Variants in GMDS observed in about 807,000 individuals in gnomAD.
GMDS encodes the protein GDP-mannose 4,6-dehydratase.
In GMDS, 20 loss-of-function variants were observed where a neutral mutation model predicts 49.9. The observed-to-expected ratio is 0.40, with a 90% CI of 0.28 to 0.58. The LOEUF is 0.58. Among genes scored for constraint, GMDS ranks in the 20% least tolerant of loss-of-function variants. The pLI is 0.42. For missense variants in GMDS, 362 were observed against 481.4 expected, an observed-to-expected ratio of 0.75 and a Z score of 2.32; for synonymous variants, 177 against 178.6, an observed-to-expected ratio of 0.99 and a Z score of 0.07.
intron 7 of GMDS, among the ~76,000 whole-genome samples, chr6:1,862,896 T>C (rs1403515298): frequency 6.6e-6 from 1 of 152,194 alleles, no homozygotes; most frequent in Admixed American, 6.5e-5. Context: ...CTCTTCCAAA[T>C]ATAAAACATA....
At chr6:1,668,634 G>C (rs769503324) in intron 9 of GMDS, among the ~76,000 whole-genome samples, 24 of 152,112 alleles carry the variant, frequency 1.6e-4, no homozygotes, top group Non-Finnish European at 3.2e-4. Flanking sequence ...TTGACCCTGG[G>C]AGTCGGAGTT....
intron 4 of GMDS, among the ~76,000 whole-genome samples, chr6:2,030,136 C>T (rs1472225588): frequency 6.6e-6 from 1 of 152,220 alleles, no homozygotes; most frequent in South Asian, 2.1e-4. Context: ...CTCTGCACAA[C>T]CAGACAGATC....
intron 9 of GMDS, among the ~76,000 whole-genome samples, chr6:1,656,403 G>T (rs1357944686): frequency 6.6e-6 from 1 of 152,078 alleles, no homozygotes; most frequent in African/African-American, 2.4e-5. Context: ...TTCCATAAAT[G>T]GTGAATCAGT....
At chr6:2,020,843 C>T (rs540597219) in intron 4 of GMDS, among the ~76,000 whole-genome samples, 131 of 152,326 alleles carry the variant, frequency 8.6e-4, no homozygotes, top group African/African-American at 3.0e-3. Context: ...AACCATACAT[C>T]ATTAGATTTA....
Position 1,819,043 on chromosome 6 carries a change from CACAT to C in GMDS, c.772-76461_772-76458del, listed in dbSNP as rs150498244. On this transcript the variant is annotated intron_variant, in intron 7 of 10. Transcript: ENST00000380815. ...TTAACACACTGCTCCTTCACACACA[CACAT>C]ACACACACTCTCACACATACACTCA... Among the ~76,000 whole-genome samples, 456 of 152,160 alleles carry C rather than the reference CACAT, an allele frequency of 3.0e-3. 1 individual carries two copies. The highest frequency in any genetic ancestry group is 0.011 in the African/African-American group (442 of 41,510).
intron 9 of GMDS, among the ~76,000 whole-genome samples, chr6:1,626,631 G>A (rs1237155270): frequency 6.6e-6 from 1 of 152,162 alleles, no homozygotes; most frequent in Non-Finnish European, 1.5e-5. Flanking sequence ...GAGAAACATG[G>A]TTATTGTTTA....
At chr6:1,780,656 C>T (rs1321672811) in intron 7 of GMDS, among the ~76,000 whole-genome samples, 1 of 152,248 alleles carries the variant, frequency 6.6e-6, no homozygotes, top group African/African-American at 2.4e-5. Context: ...TCTGCCCATC[C>T]TCTGCCCGTC....
At chr6:1,727,404 GTTAT>G (rs200485174) in intron 8 of GMDS, among the ~76,000 whole-genome samples, 1,708 of 152,264 alleles carry the variant, frequency 0.011, 25 homozygotes, top group African/African-American at 0.039. Flanking sequence ...CAGAATTTGG[GTTAT>G]TTATTTTTAC....
At chr6:1,888,292 C>T (rs1759709660) in intron 7 of GMDS, among the ~76,000 whole-genome samples, 1 of 152,024 alleles carries the variant, frequency 6.6e-6, no homozygotes, top group Admixed American at 6.6e-5. Flanking sequence ...TTAATCAACT[C>T]ACAGTTCAGC....
intron 4 of GMDS, among the ~76,000 whole-genome samples, chr6:2,112,917 T>C (rs1369551683): frequency 6.6e-6 from 1 of 152,074 alleles, no homozygotes; most frequent in Non-Finnish European, 1.5e-5. Flanking sequence ...ACTATCAACC[T>C]GTTTCCAAGA....
intron 7 of GMDS, among the ~76,000 whole-genome samples, chr6:1,887,162 C>T (rs148891370): frequency 7.4e-4 from 112 of 152,192 alleles, no homozygotes; most frequent in African/African-American, 2.7e-3. Flanking sequence ...ATATATTATT[C>T]AATAATACCT....
intron 1 of GMDS, among the ~76,000 whole-genome samples, chr6:2,219,442 G>A (rs1002405501): frequency 1.3e-5 from 2 of 152,108 alleles, no homozygotes; most frequent in Non-Finnish European, 2.9e-5. Context: ...CTTTACACAG[G>A]ATCCTCTAAA....
intron 7 of GMDS, among the ~76,000 whole-genome samples, chr6:1,776,592 T>C (rs1021340409): frequency 6.6e-6 from 1 of 151,738 alleles, no homozygotes; most frequent in Admixed American, 6.6e-5. Flanking sequence ...CTCAGGAGGA[T>C]CACTCTGAGC....
At chr6:2,069,712 A>T (rs1160340724) in intron 4 of GMDS, among the ~76,000 whole-genome samples, 24 of 152,300 alleles carry the variant, frequency 1.6e-4, no homozygotes, top group African/African-American at 5.5e-4. Context: ...TCAAAACCAC[A>T]ATGAGATACC....
At chr6:1,940,014 G>A (rs554872499) in intron 6 of GMDS, among the ~76,000 whole-genome samples, 274 of 152,302 alleles carry the variant, frequency 1.8e-3, no homozygotes, top group African/African-American at 6.2e-3. Context: ...TGATGATGCC[G>A]TAGACGTAAG....
intron 7 of GMDS, among the ~76,000 whole-genome samples, chr6:1,758,871 G>T (rs1418968127): frequency 1.3e-5 from 2 of 152,228 alleles, no homozygotes; most frequent in African/African-American, 2.4e-5. Context: ...AGGAGTTAGA[G>T]ACCAGCCTTT....
intron 7 of GMDS, among the ~76,000 whole-genome samples, chr6:1,757,218 C>T (rs542832944): frequency 4.1e-4 from 62 of 152,272 alleles, no homozygotes; most frequent in Non-Finnish European, 7.9e-4. Context: ...TAACTCACGA[C>T]GCATACACCT....
At chr6:1,641,904 C>T (rs1763343043) in intron 9 of GMDS, among the ~76,000 whole-genome samples, 2 of 152,206 alleles carry the variant, frequency 1.3e-5, no homozygotes, top group South Asian at 2.1e-4. Flanking sequence ...ACCCCAACAA[C>T]TCGGCACACT....
intron 7 of GMDS, among the ~76,000 whole-genome samples, chr6:1,764,507 A>G (rs1242133151): frequency 6.6e-6 from 1 of 152,198 alleles, no homozygotes; most frequent in Non-Finnish European, 1.5e-5. Context: ...TTTCTTACAC[A>G]GGTTATAGGG....
Sources: allele counts gnomAD v4.1 joint callset (sites outside exome capture counted in the v4.1 genomes callset), GRCh38; gene constraint gnomAD v4.1.1; transcripts MANE v1.5; gene names NCBI Gene and HGNC (gene_info 2026-07-23, HGNC 2026-07-21).